Variants in SCARA3 observed in about 807,000 individuals in gnomAD.
The protein encoded by SCARA3 is scavenger receptor class A member 3, also known as cellular stress response gene protein.
SCARA3 carries 39 observed loss-of-function variants against 47.0 expected under a neutral mutation model. The observed-to-expected ratio is 0.83, with a 90% CI of 0.64 to 1.08. The LOEUF (loss-of-function observed/expected upper bound fraction) is 1.08. Among genes scored for constraint, SCARA3 ranks in the 50% least tolerant of loss-of-function variants. The pLI is 0.00. For synonymous variants in SCARA3, 356 were observed against 334.1 expected, an observed-to-expected ratio of 1.07 and a Z score of -0.71; for missense variants, 724 against 792.3, an observed-to-expected ratio of 0.91 and a Z score of 1.04.
chr8:27,671,267 G>T lies in SCARA3; in HGVS notation c.1737G>T (p.Met579Ile). The T allele has an allele frequency of 6.8e-7, 1 of 1,460,136 alleles. No individual in the cohort carries two copies. The allele number at this position is 1,460,136 out of a possible 1,614,324, so 90.4% of individuals were successfully genotyped here. The change falls in exon 6 of 6, where the codon ATG becomes ATT. Residue 579 changes from methionine to isoleucine, a missense_variant. Coordinates refer to ENST00000301904, the MANE Select transcript of SCARA3 (RefSeq NM_016240.3). ...KTGSPGQRGA[M>I]GPKGEPGIQG... ...GGTCACCAGGCCAGCGGGGGGCCAT[G>T]GGGCCTAAGGGTGAACCAGGGATCC...
chr8:27,715,972 T>C, the SCARA3 span, among the ~76,000 whole-genome samples: 1 of 152,112 alleles, frequency 6.6e-6, no homozygotes, highest in Non-Finnish European at 1.5e-5. The surrounding 1 kb of genome is among the most constrained non-coding windows in gnomAD (Gnocchi z 4.2). Flanking sequence ...AACACTCCAG[T>C]AGAAATAAGC....
the SCARA3 span, among the ~76,000 whole-genome samples, chr8:27,686,457 T>A: frequency 6.6e-6 from 1 of 150,656 alleles, no homozygotes; most frequent in African/African-American, 2.4e-5. Flanking sequence ...AAAAAAAAAA[T>A]ACATACATAC....
intron 1 of SCARA3, among the ~76,000 whole-genome samples, chr8:27,648,529 A>G (rs922904783): frequency 4.6e-5 from 7 of 152,056 alleles, no homozygotes; most frequent in Admixed American, 1.3e-4. Context: ...GCGTGAACCC[A>G]GGTGGCAGAG....
At chr8:27,699,265 A>G in the SCARA3 span, among the ~76,000 whole-genome samples, 1 of 150,322 alleles carries the variant, frequency 6.7e-6, no homozygotes, top group East Asian at 2.0e-4. Context: ...AAAAAAAAAA[A>G]AAGACGTTCA....
At chr8:27,700,305 A>C in the SCARA3 span, among the ~76,000 whole-genome samples, 2 of 152,190 alleles carry the variant, frequency 1.3e-5, no homozygotes, top group Admixed American at 6.5e-5. Flanking sequence ...GAACTCATAC[A>C]TCTCAATAAG....
At chr8:27,642,258 G>C (rs1464614515) in intron 1 of SCARA3, among the ~76,000 whole-genome samples, 1 of 152,146 alleles carries the variant, frequency 6.6e-6, no homozygotes, top group Non-Finnish European at 1.5e-5. Context: ...GATGGGGGTT[G>C]GGAGATGGCA....
the SCARA3 span, among the ~76,000 whole-genome samples, chr8:27,712,627 C>T: frequency 1.3e-5 from 2 of 150,382 alleles, no homozygotes; most frequent in Admixed American, 6.6e-5. Flanking sequence ...TCCTTTTTAG[C>T]ACTGAATGGT....
chr8:27,669,711 TG>T, intron 5 of SCARA3, among the ~76,000 whole-genome samples: 1 of 152,356 alleles, frequency 6.6e-6, no homozygotes, highest in South Asian at 2.1e-4. Flanking sequence ...AGGTTTTTAT[TG>T]GCTCTGGTGG....
downstream of SCARA3, among the ~76,000 whole-genome samples, chr8:27,676,116 G>A (rs1416086955): frequency 1.3e-5 from 2 of 152,226 alleles, no homozygotes; most frequent in African/African-American, 4.8e-5. Flanking sequence ...CCACATAGAT[G>A]TTAAGTGGTT....
At chr8:27,681,708 T>G (rs750573139), downstream of SCARA3, among the ~76,000 whole-genome samples, 1 of 152,212 alleles carries the variant, frequency 6.6e-6, no homozygotes, top group Non-Finnish European at 1.5e-5. Context: ...GGCAACAGGC[T>G]GAGATTCTGT....
At chr8:27,686,617 C>T in the SCARA3 span, among the ~76,000 whole-genome samples, 1 of 152,156 alleles carries the variant, frequency 6.6e-6, no homozygotes, top group Non-Finnish European at 1.5e-5. Flanking sequence ...ACCGCACCTC[C>T]CTGGCTTCTG....
rs1407086646 is a variant in SCARA3, at chr8:27,656,868, C to T, written c.313C>T (p.Leu105Phe). The T allele has an allele frequency of 6.2e-7, 1 of 1,603,896 alleles. No individual in the cohort carries two copies. Among genetic ancestry groups the T allele is most frequent in the Admixed American group, 1.7e-5 (1 of 60,010 alleles). ...DKKLVLMQKN[L>F]QGLDPKALNN... The stretch of plus-strand genomic sequence containing the variant: ...GAAGCTTGTGTTAATGCAGAAAAAT[C>T]TCCAGGGCCTGGGTAAGTAGATGGG... The change falls in exon 4 of 6, where the codon CTC (leucine) becomes TTC (phenylalanine). Residue 105 changes from leucine (L) to phenylalanine (F), a missense_variant. By Grantham distance (22) the Leu-to-Phe change is conservative. Coordinates refer to ENST00000301904, the MANE Select transcript of SCARA3 (RefSeq NM_016240.3).
chr8:27,693,205 C>T, the SCARA3 span, among the ~76,000 whole-genome samples: 26,585 of 151,810 alleles, frequency 0.18, 2,891 homozygotes, highest in Middle Eastern at 0.33. Flanking sequence ...TTAGGTTGTC[C>T]TGCCTTTCTG....
the SCARA3 span, among the ~76,000 whole-genome samples, chr8:27,699,180 C>G: frequency 6.6e-6 from 1 of 151,430 alleles, no homozygotes; most frequent in African/African-American, 2.4e-5. Flanking sequence ...GGAGGCGGAG[C>G]TTGCAGTGAG....
At chr8:27,723,008 T>C in the SCARA3 span, among the ~76,000 whole-genome samples, 1 of 152,174 alleles carries the variant, frequency 6.6e-6, no homozygotes, top group Non-Finnish European at 1.5e-5. Context: ...TTCCCCAGAA[T>C]ACATCCCAAC....
Position 27,659,227 on chromosome 8 carries a change from C to T in SCARA3, c.1057C>T (p.His353Tyr). The change falls in exon 5 of 6, where the codon CAC becomes TAC. Residue 353 changes from histidine (H) to tyrosine (Y), a missense_variant. His to Tyr is a moderately conservative substitution (Grantham distance 83). Transcript: ENST00000301904. Reference protein sequence around the residue: ...FESLEGRMASHEIEIGTIFTN... With the variant: ...FESLEGRMASYEIEIGTIFTN... ...GTCTCTGGAAGGACGCATGGCTTCT[C>T]ACGAGATTGAAATTGGCACCATCTT... The T allele has an allele frequency of 6.8e-6, 11 of 1,614,196 alleles. No individual in the cohort carries two copies. The highest frequency in any genetic ancestry group is 1.1e-5 in the South Asian group (1 of 91,064).
In SCARA3 at chr8:27,671,236, A is replaced by G. The variant is rs952813627; in HGVS notation, c.1706A>G (p.Lys569Arg). 2.7e-6 allele frequency: 4 copies of G among 1,501,796 alleles called. No individual in the cohort carries two copies. Among genetic ancestry groups the G allele is most frequent in the Non-Finnish European group, 3.5e-6 (4 of 1,130,162 alleles). 93.0% of individuals were successfully genotyped at this position (1,501,796 alleles called of 1,614,324 possible). Residue 569 changes from lysine to arginine, a missense_variant, in exon 6 of 6, where the codon AAG becomes AGG. Coordinates refer to ENST00000301904, the MANE Select transcript of SCARA3 (RefSeq NM_016240.3). ...GPQGKPGIAG[K>R]TGSPGQRGAM... ...CAGGGAAAACCGGGAATTGCAGGGA[A>G]GACAGGGTCACCAGGCCAGCGGGGG...
At chr8:27,704,897 G>A in the SCARA3 span, among the ~76,000 whole-genome samples, 16 of 152,114 alleles carry the variant, frequency 1.1e-4, no homozygotes, top group Non-Finnish European at 1.0e-4. Flanking sequence ...TGCTGCCAGC[G>A]CCCTGCAGGG....
At chr8:27,697,995 C>T in the SCARA3 span, among the ~76,000 whole-genome samples, 1 of 152,136 alleles carries the variant, frequency 6.6e-6, no homozygotes, top group Non-Finnish European at 1.5e-5. Flanking sequence ...CTGCTATATC[C>T]TCAGAACCAG....
Sources: gnomAD v4.1 joint callset for allele counts (sites outside exome capture counted in the v4.1 genomes callset) on GRCh38, gnomAD v4.1.1 for gene constraint, Gnocchi (gnomAD v3.1) non-coding constraint, MANE v1.5 for transcripts, NCBI Gene and HGNC (gene_info 2026-07-23, HGNC 2026-07-21) for gene names.